The following ARID1B variants were observed in gnomAD, a reference collection of about 807,000 sequenced individuals.
The protein encoded by ARID1B is AT-rich interactive domain-containing protein 1B.
ARID1B carries 30 observed loss-of-function variants against 212.3 expected under a neutral mutation model. The observed-to-expected ratio is 0.14, with a 90% CI of 0.11 to 0.19. The LOEUF is 0.19. Ranked by LOEUF, ARID1B falls within the 10% of genes least tolerant of loss-of-function variation. The probability of loss-of-function intolerance (pLI) is 1.00; values close to 1 mark genes in which losing one functional copy is unlikely to be tolerated. For missense variants in ARID1B, 2,891 were observed against 3,204.0 expected, an observed-to-expected ratio of 0.90 and a Z score of 2.36; for synonymous variants, 1,402 against 1,301.7, an observed-to-expected ratio of 1.08 and a Z score of -1.66.
chr6:156,971,967 C>G (rs59586251), intron 4 of ARID1B, among the ~76,000 whole-genome samples: 3 of 152,064 alleles, frequency 2.0e-5, no homozygotes, highest in Non-Finnish European at 2.9e-5. Flanking sequence ...GAGGCTCGAG[C>G]GCCCTAGTGT....
chr6:157,121,629 C>CTTTTTTTT (rs1389687982), intron 6 of ARID1B, among the ~76,000 whole-genome samples: 5 of 112,920 alleles, frequency 4.4e-5, no homozygotes, highest in African/African-American at 1.1e-4. Context: ...TCATATATAG[C>CTTTTTTTT]TTTTTTTTTT....
At chr6:156,998,774 A>G (rs918975622) in intron 4 of ARID1B, among the ~76,000 whole-genome samples, 2 of 152,184 alleles carry the variant, frequency 1.3e-5, no homozygotes, top group Non-Finnish European at 2.9e-5. Flanking sequence ...GTAGGGAGAA[A>G]ATCAACAACT....
At chr6:156,945,593 A>G (rs1222864234) in intron 4 of ARID1B, among the ~76,000 whole-genome samples, 1 of 152,018 alleles carries the variant, frequency 6.6e-6, no homozygotes, top group East Asian at 1.9e-4. Flanking sequence ...CTGTGCAGTG[A>G]GTCAGTCCAC....
At chr6:156,860,904 G>T (rs1340266052) in intron 2 of ARID1B, among the ~76,000 whole-genome samples, 1 of 152,084 alleles carries the variant, frequency 6.6e-6, no homozygotes, top group Non-Finnish European at 1.5e-5. Flanking sequence ...CACTCTGTTT[G>T]TGCCAGAGTT....
chr6:156,897,240 C>A lies in ARID1B; in HGVS notation c.1987-4136C>A, dbSNP rs1271322831. Among the ~76,000 whole-genome samples, 72 of 101,090 alleles carry A rather than the reference C, an allele frequency of 7.1e-4. 1 individual carries two copies. Among genetic ancestry groups the A allele is most frequent in the African/African-American group, 2.6e-3 (70 of 26,638 alleles). The allele number at this position is 101,090 out of a possible 152,430, so 66.3% of individuals were successfully genotyped here. On this transcript the variant is annotated intron_variant, in intron 2 of 19. Coordinates refer to ENST00000636930, the MANE Select transcript of ARID1B (RefSeq NM_001374828.1). ...GCTGCTTCTTCTTCTTCTTCTTCTT[C>A]TTCTTCTTCTTCTTCTTCTTCTTCT...
chr6:156,935,377 G>C, intron 3 of ARID1B, 89 bp from the exon 4 acceptor site: 1 of 1,168,830 alleles, frequency 8.6e-7, no homozygotes, highest in Non-Finnish European at 1.3e-6. Flanking sequence ...ACTGTGCCCA[G>C]CCAAGCTTTT....
chr6:157,001,327 G>C (rs1166551354), intron 4 of ARID1B, among the ~76,000 whole-genome samples: 1 of 152,182 alleles, frequency 6.6e-6, no homozygotes, highest in African/African-American at 2.4e-5. Flanking sequence ...TCGAATCTGT[G>C]TTAATTCGGA....
intron 9 of ARID1B, 175 bp downstream of exon 9, chr6:157,167,360 T>G: frequency 6.7e-6 from 4 of 597,984 alleles, no homozygotes; most frequent in Non-Finnish European, 1.1e-5. Flanking sequence ...ACTTGAGAAT[T>G]ACATTATATT....
chr6:156,987,370 T>G (rs1277218505), intron 4 of ARID1B, among the ~76,000 whole-genome samples: 1 of 151,004 alleles, frequency 6.6e-6, no homozygotes, highest in African/African-American at 2.4e-5. Context: ...TTGCTCTGTC[T>G]CCCAGGCTGG....
intron 14 of ARID1B, 31 bp downstream of exon 14, chr6:157,189,811 A>C: frequency 4.3e-6 from 7 of 1,612,606 alleles, no homozygotes; most frequent in Non-Finnish European, 5.9e-6. Flanking sequence ...GAGGCATACA[A>C]AGTCACATTT....
chr6:157,204,240 A>T (rs1322917386), intron 19 of ARID1B: 2 of 418,650 alleles, frequency 4.8e-6, no homozygotes, highest in Non-Finnish European at 8.7e-6. Flanking sequence ...CTGTGTGTGT[A>T]TGTGTATATG....
intron 3 of ARID1B, among the ~76,000 whole-genome samples, chr6:156,918,671 A>G (rs866854571): frequency 1.8e-4 from 28 of 152,236 alleles, no homozygotes; most frequent in African/African-American, 6.7e-4. Flanking sequence ...ATCCGAGGAG[A>G]CAACTTCTGG....
In ARID1B at chr6:157,196,308, G is replaced by A. The variant is rs772095737; in HGVS notation, c.4375G>A (p.Asp1459Asn). The change falls in exon 16 of 20, where the codon GAC becomes AAC. Residue 1459 changes from aspartate to asparagine, a missense_variant. Transcript: ENST00000636930. ...RQQFPYGASY[D>N]RRHEPYGQQY... ...GCAGTTTCCCTATGGAGCCAGTTAC[G>A]ACCGAAGGTGAGTATTTTTTAAGAT... 4 of 1,585,900 alleles carry A rather than the reference G, an allele frequency of 2.5e-6. No homozygotes were observed. The highest frequency in any genetic ancestry group is 2.2e-5 in the East Asian group (1 of 44,688).
chr6:157,001,424 C>T (rs1485345215), intron 4 of ARID1B, among the ~76,000 whole-genome samples: 2 of 152,180 alleles, frequency 1.3e-5, no homozygotes, highest in East Asian at 3.9e-4. Flanking sequence ...TGACCAGCTG[C>T]AGATGACGTG....
At chr6:157,177,698 A>G (rs1001778942) in intron 11 of ARID1B, among the ~76,000 whole-genome samples, 10 of 152,226 alleles carry the variant, frequency 6.6e-5, no homozygotes, top group East Asian at 3.8e-4. Context: ...TGCAAGGAAA[A>G]CATTTGTGGC....
intron 4 of ARID1B, among the ~76,000 whole-genome samples, chr6:157,059,394 C>G (rs1351142694): frequency 1.3e-5 from 2 of 152,142 alleles, no homozygotes; most frequent in Non-Finnish European, 2.9e-5. Context: ...GTTTTCCTTT[C>G]TTACCTGAAA....
chr6:156,968,571 G>C (rs1422995656), intron 4 of ARID1B, among the ~76,000 whole-genome samples: 1 of 152,156 alleles, frequency 6.6e-6, no homozygotes, highest in Non-Finnish European at 1.5e-5. Flanking sequence ...TTCAGCTTTT[G>C]CTCTTTGGTT....
chr6:156,789,195 T>G (rs1009686186), intron 1 of ARID1B, among the ~76,000 whole-genome samples: 13 of 152,216 alleles, frequency 8.5e-5, no homozygotes, highest in African/African-American at 2.9e-4. Flanking sequence ...GAGATTGTTC[T>G]TTGGTGCTGT....
chr6:157,047,649 G>A (rs1257126842), intron 4 of ARID1B, among the ~76,000 whole-genome samples: 2 of 152,172 alleles, frequency 1.3e-5, no homozygotes, highest in Non-Finnish European at 2.9e-5. Context: ...ATTAAACATG[G>A]CCTCACGTGC....
Sources: gnomAD v4.1 joint callset for allele counts (sites outside exome capture counted in the v4.1 genomes callset) on GRCh38, gnomAD v4.1.1 for gene constraint, MANE v1.5 for transcripts, NCBI Gene and HGNC (gene_info 2026-07-23, HGNC 2026-07-21) for gene names.